The following CFAP276 variants were observed in gnomAD, a reference collection of about 807,000 sequenced individuals.
CFAP276 encodes the protein cilia and flagella associated protein 276.
chr1:109,108,135 G>T, the CFAP276 span: 2 of 894,952 alleles, frequency 2.2e-6, no homozygotes, highest in East Asian at 2.4e-5. Flanking sequence ...ATCCAGTTTT[G>T]TGTTTTTTGT....
chr1:109,106,840 C>T, the CFAP276 span: 33 of 893,878 alleles, frequency 3.7e-5, no homozygotes, highest in Admixed American at 2.0e-4. Context: ...TTCTGTTCAT[C>T]TTAGACAGTG....
the CFAP276 span, among the ~76,000 whole-genome samples, chr1:109,110,366 CT>C: frequency 3.8e-4 from 58 of 152,302 alleles, no homozygotes; most frequent in East Asian, 0.011. Context: ...TGGCCTCTGC[CT>C]CAAGCACCCC....
chr1:109,113,503 G>T, the CFAP276 span: 2 of 829,562 alleles, frequency 2.4e-6, no homozygotes, highest in Non-Finnish European at 3.7e-6. Context: ...TGCGGCTAAG[G>T]CAAACTCCTC....
At chr1:109,112,866 G>GC in the CFAP276 span, 2 of 966,252 alleles carry the variant, frequency 2.1e-6, no homozygotes, top group Non-Finnish European at 2.9e-6. Flanking sequence ...ACCACGGGAG[G>GC]CCCCTGGGGA....
At chr1:109,113,451 A>T in the CFAP276 span, among the ~76,000 whole-genome samples, 2,569 of 120,486 alleles carry the variant, frequency 0.021, 214 homozygotes, top group Admixed American at 0.066. Flanking sequence ...AGAGAGAGAG[A>T]GAGAGAGAGA....
chr1:109,112,648 G>A, the CFAP276 span: 1 of 1,550,600 alleles, frequency 6.4e-7, no homozygotes, highest in Non-Finnish European at 8.7e-7. Flanking sequence ...ATCTAATGTA[G>A]GCTGCTGGAA....
At chr1:109,113,415 AAAG>A in the CFAP276 span, among the ~76,000 whole-genome samples, 83 of 113,816 alleles carry the variant, frequency 7.3e-4, no homozygotes, top group African/African-American at 2.8e-3. Flanking sequence ...AGAGAGAGAG[AAAG>A]AGAGAGAGAG....
chr1:109,113,147 T>C, the CFAP276 span, among the ~76,000 whole-genome samples: 2 of 151,918 alleles, frequency 1.3e-5, no homozygotes, highest in African/African-American at 4.8e-5. Context: ...CTCAGCACTT[T>C]GGGAAGCGGA....
chr1:109,106,871 T>C, the CFAP276 span: 8 of 852,190 alleles, frequency 9.4e-6, no homozygotes, highest in Non-Finnish European at 1.5e-5. Context: ...AACTATATTA[T>C]AGACACAGAT....
At chr1:109,109,530 T>C in the CFAP276 span, among the ~76,000 whole-genome samples, 2 of 140,860 alleles carry the variant, frequency 1.4e-5, no homozygotes, top group Admixed American at 1.5e-4. Flanking sequence ...ATGTGAGCCA[T>C]ACCTTTTTTT....
the CFAP276 span, chr1:109,107,888 T>C: frequency 3.9e-6 from 6 of 1,526,148 alleles, no homozygotes; most frequent in Non-Finnish European, 5.4e-6. Flanking sequence ...CCTAAACGGC[T>C]GCAAAGAGGA....
At chr1:109,107,020 G>T in the CFAP276 span, 1 of 1,613,340 alleles carries the variant, frequency 6.2e-7, no homozygotes, top group African/African-American at 1.3e-5. Context: ...TAGGTATCCT[G>T]CGTGGTTTTC....
the CFAP276 span, among the ~76,000 whole-genome samples, chr1:109,109,892 G>T: frequency 6.6e-6 from 1 of 152,074 alleles, no homozygotes; most frequent in Non-Finnish European, 1.5e-5. Context: ...TCACTGAGAA[G>T]AATGAAGTAT....
the CFAP276 span, chr1:109,112,709 T>A: frequency 6.5e-7 from 1 of 1,548,120 alleles, no homozygotes; most frequent in East Asian, 2.4e-5. Context: ...TTAAGAGGGA[T>A]GGGAGGCCCG....
chr1:109,111,494 A>G, the CFAP276 span, among the ~76,000 whole-genome samples: 1 of 140,440 alleles, frequency 7.1e-6, no homozygotes, highest in Non-Finnish European at 1.5e-5. Flanking sequence ...AATATCCCAC[A>G]ATGATTCCTC....
chr1:109,111,812 C>T, the CFAP276 span, among the ~76,000 whole-genome samples: 2 of 152,218 alleles, frequency 1.3e-5, no homozygotes, highest in African/African-American at 4.8e-5. Context: ...CTCTGTGAAG[C>T]TTTCCTTTAA....
the CFAP276 span, among the ~76,000 whole-genome samples, chr1:109,111,972 G>T: frequency 6.6e-6 from 1 of 152,188 alleles, no homozygotes; most frequent in East Asian, 1.9e-4. Context: ...TTGGCGTTTA[G>T]CAGAGTGTCT....
chr1:109,112,708 A>T, the CFAP276 span: 1 of 1,548,172 alleles, frequency 6.5e-7, no homozygotes, highest in Non-Finnish European at 8.7e-7. Flanking sequence ...TTTAAGAGGG[A>T]TGGGAGGCCC....
chr1:109,106,227 A>G, the CFAP276 span: 1 of 829,428 alleles, frequency 1.2e-6, no homozygotes, highest in Admixed American at 2.7e-5. Context: ...AAACCGGCAT[A>G]TGGAGGACTG....
Sources: allele counts gnomAD v4.1 joint callset (sites outside exome capture counted in the v4.1 genomes callset), GRCh38; gene constraint gnomAD v4.1.1; transcripts MANE v1.5; gene names NCBI Gene and HGNC (gene_info 2026-07-23, HGNC 2026-07-21).